Variants in R3HDM2 observed in about 807,000 individuals in gnomAD.
The protein encoded by R3HDM2 is R3H domain containing 2.
A neutral mutation model predicts 124.5 loss-of-function variants in R3HDM2; 38 were observed. That is an observed-to-expected ratio of 0.31 (90% confidence interval 0.24 to 0.40). The LOEUF is 0.40. Ranked by LOEUF, R3HDM2 falls within the 10% of genes least tolerant of loss-of-function variation. The probability of loss-of-function intolerance (pLI) is 1.00; values close to 1 mark genes in which losing one functional copy is unlikely to be tolerated. For missense variants in R3HDM2, 869 were observed against 1,236.9 expected (o/e 0.70, Z 4.46); for synonymous variants, 391 against 448.0 (o/e 0.87, Z 1.61).
intron 2 of R3HDM2, among the ~76,000 whole-genome samples, chr12:57,389,695 T>C (rs2066377935): frequency 6.6e-6 from 1 of 152,202 alleles, no homozygotes; most frequent in Non-Finnish European, 1.5e-5. Flanking sequence ...ACCCTTTAAA[T>C]GTAGAAGTTG....
At chr12:57,351,838 G>C (rs1385693658) in intron 2 of R3HDM2, among the ~76,000 whole-genome samples, 3 of 152,066 alleles carry the variant, frequency 2.0e-5, no homozygotes, top group African/African-American at 7.2e-5. Context: ...GTCATCATTA[G>C]AGTCAGGAAT....
chr12:57,301,426 A>G (rs536107828), intron 4 of R3HDM2, among the ~76,000 whole-genome samples: 122 of 152,364 alleles, frequency 8.0e-4, no homozygotes, highest in African/African-American at 2.3e-3. Context: ...TATAGCAGAA[A>G]GAACTTGCGA....
chr12:57,371,090 T>C (rs1394957936), intron 2 of R3HDM2, among the ~76,000 whole-genome samples: 1 of 127,218 alleles, frequency 7.9e-6, no homozygotes, highest in South Asian at 2.6e-4. Context: ...TTACTTTTTT[T>C]TTTTTTTTTT....
Position 57,368,335 on chromosome 12 carries a change from G to A in R3HDM2, c.-36+27414C>T, listed in dbSNP as rs116062109. Among the ~76,000 whole-genome samples the A allele has an allele frequency of 8.1e-3, 1,238 of 152,212 alleles. 16 individuals carry two copies. The highest frequency in any genetic ancestry group is 0.028 in the African/African-American group (1,154 of 41,520). On this transcript the variant is annotated intron_variant, in intron 2 of 23. Coordinates refer to ENST00000402412, the MANE Select transcript of R3HDM2 (RefSeq NM_001394031.1). ...TTAGGCCTAACACTTCAACTAGCAC[G>A]GTATGTAGTAAAGAATTTAACCTTG...
chr12:57,314,756 T>A (rs2054667002), intron 2 of R3HDM2, among the ~76,000 whole-genome samples: 1 of 152,168 alleles, frequency 6.6e-6, no homozygotes, highest in African/African-American at 2.4e-5. Context: ...TTACATCTTT[T>A]ATCACATGAT....
At chr12:57,334,338 C>T (rs1410182615) in intron 2 of R3HDM2, among the ~76,000 whole-genome samples, 1 of 152,136 alleles carries the variant, frequency 6.6e-6, no homozygotes, top group Non-Finnish European at 1.5e-5. Context: ...CACCTATTAT[C>T]GAATAATAAA....
chr12:57,322,529 T>C (rs2056619672), intron 2 of R3HDM2, among the ~76,000 whole-genome samples: 2 of 152,200 alleles, frequency 1.3e-5, no homozygotes, highest in South Asian at 2.1e-4. Context: ...ATCCACCAAG[T>C]GCAGCTAAGC....
At chr12:57,255,892 C>T (rs1220205619) in intron 23 of R3HDM2, 98 bp downstream of exon 23, 6 of 1,038,134 alleles carry the variant, frequency 5.8e-6, no homozygotes, top group East Asian at 2.4e-5. Context: ...ACTTCCACTC[C>T]CCATCCTAAG....
At chr12:57,303,044 C>A in intron 4 of R3HDM2, 132 bp downstream of exon 4, 1 of 798,968 alleles carries the variant, frequency 1.3e-6, no homozygotes, top group Non-Finnish European at 2.1e-6. Flanking sequence ...CGCAGGTTCA[C>A]AATTGGGGTA....
At chr12:57,396,651 C>A (rs573635473) in intron 1 of R3HDM2, among the ~76,000 whole-genome samples, 6 of 151,020 alleles carry the variant, frequency 4.0e-5, no homozygotes, top group Non-Finnish European at 7.4e-5. Context: ...TGTTGGCGGG[C>A]GCCTGTAATC....
At chr12:57,318,226 AGGTTGCGG>A (rs1434185310) in intron 2 of R3HDM2, among the ~76,000 whole-genome samples, 1 of 151,982 alleles carries the variant, frequency 6.6e-6, no homozygotes. Flanking sequence ...CAGGAAGAGG[AGGTTGCGG>A]GCAACCGAGA....
intron 1 of R3HDM2, among the ~76,000 whole-genome samples, chr12:57,423,664 T>C (rs1390014561): frequency 6.7e-6 from 1 of 148,592 alleles, no homozygotes; most frequent in Non-Finnish European, 1.5e-5. Flanking sequence ...ATACAAAAAT[T>C]AGCCAGACGT....
chr12:57,306,052 T>C (rs2052508019), intron 3 of R3HDM2, among the ~76,000 whole-genome samples: 1 of 151,788 alleles, frequency 6.6e-6, no homozygotes, highest in East Asian at 1.9e-4. Flanking sequence ...GGGGTAGGAG[T>C]TGGAGGAGGT....
intron 3 of R3HDM2, among the ~76,000 whole-genome samples, chr12:57,307,594 T>TATAGGC (rs2052936248): frequency 6.7e-6 from 1 of 149,900 alleles, no homozygotes; most frequent in South Asian, 2.1e-4. Context: ...GTGCTGGGAT[T>TATAGGC]ATAGGCATGA....
At chr12:57,353,834 T>C (rs542677271) in intron 2 of R3HDM2, among the ~76,000 whole-genome samples, 3 of 152,230 alleles carry the variant, frequency 2.0e-5, no homozygotes, top group East Asian at 3.9e-4. Context: ...TGGGTGTCTC[T>C]TGTGGTAAAA....
chr12:57,374,724 T>C (rs1267804379), intron 2 of R3HDM2, among the ~76,000 whole-genome samples: 1 of 124,532 alleles, frequency 8.0e-6, no homozygotes, highest in African/African-American at 3.1e-5. Flanking sequence ...CCGGGCGCGG[T>C]GGCTCACGCC....
At chr12:57,375,089 C>G (rs73115990) in intron 2 of R3HDM2, among the ~76,000 whole-genome samples, 20 of 151,872 alleles carry the variant, frequency 1.3e-4, no homozygotes, top group Non-Finnish European at 2.1e-4. Flanking sequence ...CAGACATATT[C>G]CACAAACTCA....
intron 2 of R3HDM2, among the ~76,000 whole-genome samples, chr12:57,393,114 T>C (rs10876981): frequency 0.43 from 64,794 of 149,120 alleles, 14,721 homozygotes; most frequent in South Asian, 0.52. Context: ...TTTTTTTTTT[T>C]TTTTCTTCAG....
intron 17 of R3HDM2, 121 bp from the exon 18 acceptor site, chr12:57,268,578 C>T (rs567791198): frequency 5.8e-6 from 6 of 1,037,962 alleles, no homozygotes; most frequent in Middle Eastern, 2.5e-4. Flanking sequence ...GATCCTCCTC[C>T]TGTTTTCCCC....
Sources: allele counts gnomAD v4.1 joint callset (sites outside exome capture counted in the v4.1 genomes callset), GRCh38; gene constraint gnomAD v4.1.1; transcripts MANE v1.5; gene names NCBI Gene and HGNC (gene_info 2026-07-23, HGNC 2026-07-21).